Variants in MEI4 observed in about 807,000 individuals in gnomAD.
MEI4 encodes the protein meiosis-specific protein MEI4.
In MEI4, 27 loss-of-function variants were observed where a neutral mutation model predicts 31.4. The observed-to-expected ratio is 0.86, with a 90% confidence interval of 0.63 to 1.19. The LOEUF is 1.19. Among genes scored for constraint, MEI4 ranks in the 50% most tolerant of loss-of-function variants. The probability of loss-of-function intolerance (pLI) is 0.00; values close to 1 mark genes in which losing one functional copy is unlikely to be tolerated. For synonymous variants in MEI4, 122 were observed against 145.4 expected (o/e 0.84, Z 1.16); for missense variants, 329 against 398.9 (o/e 0.82, Z 1.49).
intron 3 of MEI4, among the ~76,000 whole-genome samples, chr6:77,762,312 G>T (rs2127682950): frequency 6.6e-6 from 1 of 152,204 alleles, no homozygotes; most frequent in African/African-American, 2.4e-5. Flanking sequence ...TTTACTCAGG[G>T]ATTCTTTCTT....
intron 4 of MEI4, among the ~76,000 whole-genome samples, chr6:77,869,450 A>G (rs1030071188): frequency 2.6e-5 from 4 of 152,086 alleles, no homozygotes; most frequent in Non-Finnish European, 5.9e-5. Flanking sequence ...TCCTTATTAG[A>G]CGGGGAAATT....
intron 2 of MEI4, among the ~76,000 whole-genome samples, chr6:77,716,056 A>C (rs1403307524): frequency 6.6e-6 from 1 of 152,240 alleles, no homozygotes; most frequent in African/African-American, 2.4e-5. Context: ...CTTTTAGCAG[A>C]AATTTCTGAG....
intron 4 of MEI4, among the ~76,000 whole-genome samples, chr6:77,891,138 T>A (rs913981208): frequency 6.6e-6 from 1 of 152,208 alleles, no homozygotes; most frequent in African/African-American, 2.4e-5. Flanking sequence ...GAGTTGGATC[T>A]TTTTGGGATT....
intron 4 of MEI4, among the ~76,000 whole-genome samples, chr6:77,881,531 T>A (rs370169389): frequency 6.6e-6 from 1 of 152,226 alleles, no homozygotes; most frequent in Non-Finnish European, 1.5e-5. Context: ...ACATAGCTAG[T>A]TGCATTTTCC....
At chr6:77,746,922 C>T (rs923658003) in intron 2 of MEI4, among the ~76,000 whole-genome samples, 2 of 152,014 alleles carry the variant, frequency 1.3e-5, no homozygotes, top group African/African-American at 4.8e-5. Flanking sequence ...TTGTTCAGTT[C>T]TATAAAGTTT....
At chr6:77,835,403 C>CACACACACACACACAA (rs1554168181) in intron 4 of MEI4, among the ~76,000 whole-genome samples, 1 of 91,896 alleles carries the variant, frequency 1.1e-5, no homozygotes, top group East Asian at 4.0e-4. Context: ...CACACACACA[C>CACACACACACACACAA]AAATAAAAAA....
intron 4 of MEI4, among the ~76,000 whole-genome samples, chr6:77,844,290 G>A (rs751806511): frequency 2.0e-5 from 3 of 152,066 alleles, no homozygotes; most frequent in Non-Finnish European, 4.4e-5. Context: ...AGAGTTCCTC[G>A]TCACAAAGCC....
chr6:77,921,287 C>G (rs34726016), intron 4 of MEI4, among the ~76,000 whole-genome samples: 9 of 151,778 alleles, frequency 5.9e-5, no homozygotes, highest in Non-Finnish European at 1.2e-4. Context: ...GCCTCCTGAA[C>G]CAGCCTCTGC....
At position 77,852,847 on chromosome 6, in the gene MEI4, G is replaced by T. The variant is rs531439561; in HGVS notation, c.900+23785G>T. 2.7e-4 allele frequency among the ~76,000 whole-genome samples: 41 copies of T among 152,050 alleles called. No individual in the cohort carries two copies. In the South Asian group the frequency reaches 6.8e-3, roughly 25 times the overall value. ...AGTTTCAACATATGAATTTTAGGGGGTCACAAACATTCAGACCATAAAACT... is the reference window on the plus strand; with the variant it reads ...AGTTTCAACATATGAATTTTAGGGGTTCACAAACATTCAGACCATAAAACT... On this transcript the variant is annotated intron_variant, in intron 4 of 4. Coordinates refer to ENST00000684080, the MANE Select transcript of MEI4 (RefSeq NM_001322247.2).
chr6:77,749,956 G>T (rs1209943994), intron 2 of MEI4, among the ~76,000 whole-genome samples: 5 of 152,148 alleles, frequency 3.3e-5, no homozygotes, highest in Non-Finnish European at 5.9e-5. Flanking sequence ...GAGAGTGGGG[G>T]CCAATATTCA....
intron 4 of MEI4, among the ~76,000 whole-genome samples, chr6:77,843,155 T>C (rs552848101): frequency 6.6e-6 from 1 of 151,748 alleles, no homozygotes; most frequent in South Asian, 2.1e-4. Context: ...ATGTTAGTTT[T>C]AATCAAGAAG....
At chr6:77,835,899 T>C (rs1193295564) in intron 4 of MEI4, among the ~76,000 whole-genome samples, 1 of 152,086 alleles carries the variant, frequency 6.6e-6, no homozygotes, top group African/African-American at 2.4e-5. Context: ...AAAGGAAGGA[T>C]GAAGTATCTG....
At chr6:77,735,498 C>G (rs1412241527) in intron 2 of MEI4, among the ~76,000 whole-genome samples, 1 of 151,980 alleles carries the variant, frequency 6.6e-6, no homozygotes, top group Non-Finnish European at 1.5e-5. Flanking sequence ...GTCCTTTAAG[C>G]ACTTCTCTGT....
At chr6:77,686,220 A>T (rs1769051108) in intron 1 of MEI4, among the ~76,000 whole-genome samples, 1 of 152,176 alleles carries the variant, frequency 6.6e-6, no homozygotes, top group Admixed American at 6.5e-5. Flanking sequence ...ATTCTTTATA[A>T]ATTACTCAGC....
At chr6:77,888,116 A>G (rs867634562) in intron 4 of MEI4, among the ~76,000 whole-genome samples, 1 of 152,100 alleles carries the variant, frequency 6.6e-6, no homozygotes, top group Non-Finnish European at 1.5e-5. Flanking sequence ...TTTGCATGGA[A>G]TATCATTTTC....
chr6:77,734,942 T>G (rs1370572816), intron 2 of MEI4, among the ~76,000 whole-genome samples: 3 of 151,974 alleles, frequency 2.0e-5, no homozygotes, highest in South Asian at 2.1e-4. Context: ...TTCTTTTCTT[T>G]AAGAATGTTG....
chr6:77,901,145 T>C (rs934808605), intron 4 of MEI4, among the ~76,000 whole-genome samples: 14 of 152,064 alleles, frequency 9.2e-5, no homozygotes, highest in Non-Finnish European at 2.1e-4. Flanking sequence ...ATTCCCTATG[T>C]TGGTTGTTGT....
chr6:77,913,710 C>T (rs1485322835), intron 4 of MEI4, among the ~76,000 whole-genome samples: 6 of 150,172 alleles, frequency 4.0e-5, no homozygotes, highest in Non-Finnish European at 7.4e-5. Flanking sequence ...AACAGATTAT[C>T]GATTTTGTTT....
At chr6:77,794,212 G>A (rs1196795763) in intron 3 of MEI4, among the ~76,000 whole-genome samples, 1 of 152,132 alleles carries the variant, frequency 6.6e-6, no homozygotes, top group African/African-American at 2.4e-5. Flanking sequence ...AAAATTCACT[G>A]TATAATGTTA....
Sources: gnomAD v4.1 joint callset for allele counts (sites outside exome capture counted in the v4.1 genomes callset) on GRCh38, gnomAD v4.1.1 for gene constraint, MANE v1.5 for transcripts, NCBI Gene and HGNC (gene_info 2026-07-23, HGNC 2026-07-21) for gene names.